The following SVIL variants were observed in gnomAD, a reference collection of about 807,000 sequenced individuals.
SVIL encodes the protein supervillin.
In SVIL, 101 loss-of-function variants were observed where a neutral mutation model predicts 240.4. That is an observed-to-expected ratio of 0.42 (90% CI 0.36 to 0.50). SVIL has a LOEUF of 0.50. Ranked by LOEUF, SVIL falls within the 20% of genes least tolerant of loss-of-function variation. The pLI is 0.01. For synonymous variants in SVIL, 999 were observed against 1,100.0 expected (o/e 0.91, Z 1.82); for missense variants, 2,512 against 2,818.7 (o/e 0.89, Z 2.46).
At position 29,486,404 on chromosome 10, in the gene SVIL, T is replaced by C. The variant is rs1335117812; in HGVS notation, c.4633+6A>G. On this transcript the variant is annotated splice_donor_region_variant and intron_variant, in intron 25 of 37. Coordinates refer to ENST00000355867, the MANE Select transcript of SVIL (RefSeq NM_021738.3). ...CGTCAATCTCTGAAGTACAATGAAG[T>C]CTTACATTGGTAACTGGTTTGGCCA... is the stretch of plus-strand genomic sequence containing the variant. The C allele has an allele frequency of 6.2e-7, 1 of 1,614,062 alleles. No individual in the cohort carries two copies. The highest frequency in any genetic ancestry group is 1.3e-5 in the African/African-American group (1 of 75,058).
At position 29,536,080 on chromosome 10, in the gene SVIL, C is replaced by CA. The variant is rs776524034; in HGVS notation, c.828-12dup. The CA allele has an allele frequency of 1.2e-6, 2 of 1,613,478 alleles. No homozygotes were observed. Among genetic ancestry groups the CA allele is most frequent in the South Asian group, 1.1e-5 (1 of 91,028 alleles). On this transcript the variant is annotated splice_polypyrimidine_tract_variant and intron_variant, in intron 6 of 37. Coordinates refer to ENST00000355867, the MANE Select transcript of SVIL (RefSeq NM_021738.3). ...TTGGGTTTCCCTGTACTATTGTGTA[C>CA]AAAAAACAAAACCAGATAATCTCTA... is the stretch of plus-strand genomic sequence containing the variant.
intron 3 of SVIL, among the ~76,000 whole-genome samples, chr10:29,657,550 A>G (rs559652931): frequency 3.3e-5 from 5 of 152,136 alleles, no homozygotes; most frequent in Non-Finnish European, 5.9e-5. Flanking sequence ...CAAATAGCAC[A>G]GTTTCCAGAA....
rs372201518 is a variant in SVIL at position 29,469,919 on chromosome 10, A to T, written c.5843+357T>A. On this transcript the variant is annotated intron_variant, in intron 32 of 37. Transcript: ENST00000355867. ...TGTTCTGGCAAACGAAAACTCCACA[A>T]ATTTGAAATGTGCTCCCTTTAAATA... is the stretch of plus-strand genomic sequence containing the variant. Among the ~76,000 whole-genome samples, 314 of 152,252 alleles carry T rather than the reference A, an allele frequency of 2.1e-3. 1 individual carries two copies. The highest frequency in any genetic ancestry group is 7.3e-3 in the African/African-American group (302 of 41,548).
chr10:29,635,294 A>C (rs531433561), upstream of SVIL, among the ~76,000 whole-genome samples: 1 of 152,202 alleles, frequency 6.6e-6, no homozygotes, highest in Admixed American at 6.5e-5. Context: ...TGAACACCCC[A>C]AAAGTAAGTA....
intron 14 of SVIL, 28 bp from the exon 15 acceptor site, chr10:29,524,055 AGCTGCTTG>A: frequency 6.4e-7 from 1 of 1,561,166 alleles, no homozygotes; most frequent in South Asian, 1.2e-5. Flanking sequence ...AAAATTAAAA[AGCTGCTTG>A]AAAAATATCA....
chr10:29,530,165 C>T (rs979073325), intron 11 of SVIL, among the ~76,000 whole-genome samples: 2 of 151,902 alleles, frequency 1.3e-5, no homozygotes, highest in Non-Finnish European at 2.9e-5. Context: ...GAGAGTGAGA[C>T]CCTATCTCTA....
intron 1 of SVIL, among the ~76,000 whole-genome samples, chr10:29,609,666 C>A (rs749890841): frequency 6.6e-6 from 1 of 152,352 alleles, no homozygotes; most frequent in East Asian, 1.9e-4. Context: ...CTCATCCAGA[C>A]GCTGGTGCCC....
chr10:29,643,063 A>C (rs1173989054), intron 3 of SVIL, among the ~76,000 whole-genome samples: 1 of 152,178 alleles, frequency 6.6e-6, no homozygotes, highest in Non-Finnish European at 1.5e-5. Context: ...ATATCCCTCC[A>C]GAGCTGGAGA....
Position 29,522,377 on chromosome 10 carries a change from G to C in SVIL, c.3389+33C>G, listed in dbSNP as rs201660619. On this transcript the variant is annotated intron_variant, in intron 16 of 37. Coordinates refer to ENST00000355867, the MANE Select transcript of SVIL (RefSeq NM_021738.3). ...AAGCAAGCTGTAAGCTCCTCCCCGA[G>C]AGAATTACTTTTCGCTCACCGAATC... 6 of 1,608,626 alleles carry C rather than the reference G, an allele frequency of 3.7e-6. No homozygotes were observed. The Admixed American group carries it at 1.0e-4, about 27-fold the overall frequency.
At chr10:29,504,364 G>A (rs1348115701) in intron 17 of SVIL, among the ~76,000 whole-genome samples, 1 of 152,072 alleles carries the variant, frequency 6.6e-6, no homozygotes, top group African/African-American at 2.4e-5. Context: ...TGAAATTAAA[G>A]ACTTCTGTAA....
intron 12 of SVIL, among the ~76,000 whole-genome samples, chr10:29,529,190 A>G (rs1951168642): frequency 6.7e-6 from 1 of 150,196 alleles, no homozygotes; most frequent in Non-Finnish European, 1.5e-5. Flanking sequence ...AAAAAAAAAA[A>G]AAAAAAAAAA....
intron 9 of SVIL, among the ~76,000 whole-genome samples, 180 bp from the exon 10 acceptor site, chr10:29,531,468 G>A (rs991624785): frequency 3.9e-4 from 60 of 152,358 alleles, no homozygotes; most frequent in African/African-American, 9.9e-4. Context: ...ACTGTGGAGC[G>A]TGTGTGCACA....
chr10:29,566,501 G>A (rs1355604852), intron 2 of SVIL, among the ~76,000 whole-genome samples: 1 of 152,108 alleles, frequency 6.6e-6, no homozygotes, highest in Admixed American at 6.5e-5. Context: ...TGTGATTAAT[G>A]CAAGACCCCT....
intron 1 of SVIL, among the ~76,000 whole-genome samples, chr10:29,587,576 G>A (rs1273784475): frequency 2.6e-5 from 4 of 152,214 alleles, no homozygotes; most frequent in African/African-American, 9.6e-5. Context: ...TCCAGCCACA[G>A]GGTCCAGCTT....
chr10:29,606,305 A>G (rs1423540974), intron 1 of SVIL, among the ~76,000 whole-genome samples: 2 of 152,122 alleles, frequency 1.3e-5, no homozygotes, highest in Admixed American at 6.6e-5. Context: ...TCAGCCTCCC[A>G]AAGTGCTGGG....
At chr10:29,647,221 G>C (rs556525441) in intron 3 of SVIL, 1 of 152,220 alleles carries the variant, frequency 6.6e-6, no homozygotes, top group South Asian at 2.1e-4. Context: ...CAAAGCTCCC[G>C]ATCTCCCATC....
In SVIL at chr10:29,481,723, C is replaced by G. The variant is rs762838372; in HGVS notation, c.4961G>C (p.Gly1654Ala). The change falls in exon 28 of 38, where the codon GGA (glycine) becomes GCA (alanine). Residue 1654 changes from glycine (G) to alanine (A), a missense_variant. Physicochemically the swap from Gly to Ala is moderately conservative, Grantham distance 60. This residue lies in a region of SVIL where 797 missense variants were observed against 925.3 expected (regional missense o/e 0.86). Transcript: ENST00000355867. Reference protein sequence around the residue: ...GECNPLIPRKGQGRPDWAIFG... With the variant: ...GECNPLIPRKAQGRPDWAIFG... ...TATCGCCCAGTCGGGCCGCCCCTGT[C>G]CTTTTCTGTAGGGTGGGAGGGGGGT... is the stretch of plus-strand genomic sequence containing the variant. The G allele has an allele frequency of 6.2e-7, 1 of 1,613,908 alleles. No individual in the cohort carries two copies.
intron 17 of SVIL, among the ~76,000 whole-genome samples, chr10:29,510,138 C>T (rs990422052): frequency 5.9e-5 from 9 of 152,214 alleles, no homozygotes; most frequent in Admixed American, 1.3e-4. Flanking sequence ...AAGTAATCCT[C>T]TTGTCTTGGC....
intron 1 of SVIL, among the ~76,000 whole-genome samples, chr10:29,701,273 TG>T (rs1183882631): frequency 6.6e-6 from 1 of 152,206 alleles, no homozygotes; most frequent in Non-Finnish European, 1.5e-5. Context: ...TTTTTCTTTT[TG>T]GGTTGAAGCT....
Sources: allele counts gnomAD v4.1 joint callset (sites outside exome capture counted in the v4.1 genomes callset), GRCh38; gene constraint gnomAD v4.1.1; regional missense constraint gnomAD v4.1.1; transcripts MANE v1.5; gene names NCBI Gene and HGNC (gene_info 2026-07-23, HGNC 2026-07-21).